Variants in TEAD4 observed in about 807,000 individuals in gnomAD.
TEAD4 encodes the protein TEA domain transcription factor 4.
TEAD4 carries 36 observed loss-of-function variants against 52.4 expected under a neutral mutation model. The observed-to-expected ratio is 0.69, with a 90% CI of 0.53 to 0.91. TEAD4 has a LOEUF of 0.91. Among genes scored for constraint, TEAD4 ranks in the 40% least tolerant of loss-of-function variants. TEAD4 has a pLI of 0.00. For synonymous variants in TEAD4, 220 were observed against 231.0 expected (o/e 0.95, Z 0.43); for missense variants, 508 against 583.9 (o/e 0.87, Z 1.34).
chr12:2,973,325 C>G lies in TEAD4; in HGVS notation c.-30+13285C>G, dbSNP rs765259716. Among the ~76,000 whole-genome samples, 8 of 152,334 alleles carry G rather than the reference C, an allele frequency of 5.3e-5. No homozygotes were observed. The East Asian group carries it at 5.8e-4, about 11-fold the overall frequency. ...GGCTCAAGCAGTCCACCCGCCTCGC[C>G]TCCCACAGTTGTGGGTGTGTGCCAC... On this transcript the variant is annotated intron_variant, in intron 2 of 12. Coordinates refer to ENST00000359864, the MANE Select transcript of TEAD4 (RefSeq NM_003213.4).
In TEAD4 at chr12:2,977,448, C is replaced by G. The variant is rs558871252; in HGVS notation, c.-29-17290C>G. Among the ~76,000 whole-genome samples, 8 of 152,334 alleles carry G rather than the reference C, an allele frequency of 5.3e-5. No homozygotes were observed. In the South Asian group the frequency reaches 6.2e-4, roughly 12 times the overall value. ...TGGGAAGGATTGTGGGGCCTCCCCC[C>G]CTCTCACCTGCTCCCCGTTCCCCAT... On this transcript the variant is annotated intron_variant, in intron 2 of 12. Coordinates refer to ENST00000359864, the MANE Select transcript of TEAD4 (RefSeq NM_003213.4).
chr12:3,017,350 C>T (rs750482050), intron 5 of TEAD4, 48 bp from the exon 6 acceptor site: 3 of 1,612,638 alleles, frequency 1.9e-6, no homozygotes, highest in Non-Finnish European at 2.5e-6. Context: ...CTGGCCTCAG[C>T]CTGACTAGTG....
chr12:2,989,788 T>C (rs1238890464), intron 2 of TEAD4, among the ~76,000 whole-genome samples: 1 of 152,200 alleles, frequency 6.6e-6, no homozygotes, highest in Non-Finnish European at 1.5e-5. Context: ...TAATCTGCCC[T>C]TTTTCACTCT....
chr12:3,037,925 G>A, intron 10 of TEAD4, 43 bp from the exon 11 acceptor site: 1 of 1,588,390 alleles, frequency 6.3e-7, no homozygotes, highest in Non-Finnish European at 8.6e-7. Context: ...GTCTGACATG[G>A]CACCTGCTGA....
chr12:2,995,729 A>G (rs1202661470), intron 3 of TEAD4, among the ~76,000 whole-genome samples: 2 of 152,188 alleles, frequency 1.3e-5, no homozygotes, highest in African/African-American at 4.8e-5. Context: ...GGGGCTGGGC[A>G]TGGTGGCTCA....
chr12:3,008,260 G>T (rs987194814), intron 3 of TEAD4, among the ~76,000 whole-genome samples: 1 of 152,202 alleles, frequency 6.6e-6, no homozygotes, highest in African/African-American at 2.4e-5. Flanking sequence ...CACCCAAGGG[G>T]TGCAGGTGGT....
intron 8 of TEAD4, 100 bp downstream of exon 8, chr12:3,019,270 A>G (rs1465899606): frequency 3.6e-6 from 5 of 1,370,372 alleles, no homozygotes; most frequent in African/African-American, 1.4e-5. Context: ...TCCCTGTTAG[A>G]TGCTGCCCCG....
chr12:3,008,142 A>G (rs946612560), intron 3 of TEAD4, among the ~76,000 whole-genome samples: 1 of 152,144 alleles, frequency 6.6e-6, no homozygotes, highest in African/African-American at 2.4e-5. Context: ...TAGATTATGT[A>G]TTATGCTAGA....
chr12:3,024,270 G>A (rs948400856), intron 10 of TEAD4, among the ~76,000 whole-genome samples: 6 of 151,944 alleles, frequency 3.9e-5, no homozygotes, highest in Non-Finnish European at 5.9e-5. Context: ...TAGAGACGGG[G>A]TTTCACCGTG....
intron 10 of TEAD4, among the ~76,000 whole-genome samples, chr12:3,034,245 TG>T (rs780887451): frequency 1.1e-4 from 16 of 151,792 alleles, no homozygotes; most frequent in Non-Finnish European, 1.6e-4. Flanking sequence ...GTATCTGAGA[TG>T]GGGGTGGAGC....
At chr12:2,965,826 G>C (rs751438508) in intron 2 of TEAD4, among the ~76,000 whole-genome samples, 1 of 152,136 alleles carries the variant, frequency 6.6e-6, no homozygotes, top group Non-Finnish European at 1.5e-5. Context: ...TTACAGGCGT[G>C]AGCCACCGCG....
intron 3 of TEAD4, among the ~76,000 whole-genome samples, chr12:3,003,707 A>G (rs2098253533): frequency 6.6e-6 from 1 of 152,120 alleles, no homozygotes; most frequent in Admixed American, 6.5e-5. Flanking sequence ...AGATGGACAG[A>G]TGGGCCCACA....
At chr12:2,973,849 T>C (rs550835809) in intron 2 of TEAD4, among the ~76,000 whole-genome samples, 1 of 152,184 alleles carries the variant, frequency 6.6e-6, no homozygotes, top group South Asian at 2.1e-4. Flanking sequence ...CCTTCTGGAA[T>C]GGGAGGCGCG....
At chr12:3,004,973 C>T (rs576060590) in intron 3 of TEAD4, among the ~76,000 whole-genome samples, 17 of 152,326 alleles carry the variant, frequency 1.1e-4, no homozygotes, top group African/African-American at 4.1e-4. Context: ...CGGCATCACC[C>T]CTGACCAGCA....
intron 2 of TEAD4, among the ~76,000 whole-genome samples, chr12:2,991,789 A>G (rs116340261): frequency 0.018 from 2,740 of 152,024 alleles, 89 homozygotes; most frequent in African/African-American, 0.062. Flanking sequence ...CTGCCCCCAA[A>G]CTCTCATGAA....
At chr12:3,014,858 T>C (rs2098263147) in intron 5 of TEAD4, among the ~76,000 whole-genome samples, 1 of 152,158 alleles carries the variant, frequency 6.6e-6, no homozygotes, top group Admixed American at 6.5e-5. Context: ...AGGCAGGCAC[T>C]GAGTAGATGC....
intron 10 of TEAD4, among the ~76,000 whole-genome samples, chr12:3,033,375 C>T (rs1245740620): frequency 5.3e-5 from 8 of 152,328 alleles, no homozygotes; most frequent in East Asian, 1.9e-4. Context: ...GGGACTGATG[C>T]GATGAAGCTC....
intron 10 of TEAD4, among the ~76,000 whole-genome samples, chr12:3,023,299 A>G (rs2098269920): frequency 6.6e-6 from 1 of 152,216 alleles, no homozygotes. Flanking sequence ...TTGAAGCCGT[A>G]GGTAAAGAGG....
intron 3 of TEAD4, among the ~76,000 whole-genome samples, chr12:3,004,451 GC>G (rs2098254248): frequency 6.6e-6 from 1 of 152,166 alleles, no homozygotes; most frequent in African/African-American, 2.4e-5. Flanking sequence ...ACGTGGTCCA[GC>G]CCTGCTTCTG....
Sources: allele counts gnomAD v4.1 joint callset (sites outside exome capture counted in the v4.1 genomes callset), GRCh38; gene constraint gnomAD v4.1.1; transcripts MANE v1.5; gene names NCBI Gene and HGNC (gene_info 2026-07-23, HGNC 2026-07-21).